SH3RF1: variants seen among roughly 807,000 people sequenced by gnomAD.
SH3RF1 encodes the protein E3 ubiquitin-protein ligase SH3RF1.
In SH3RF1, 32 loss-of-function variants were observed where a neutral mutation model predicts 74.0. The observed-to-expected ratio is 0.43, with a 90% CI of 0.33 to 0.58. SH3RF1 has a LOEUF of 0.58. Ranked by LOEUF, SH3RF1 falls within the 20% of genes least tolerant of loss-of-function variation. The pLI is 0.05. For missense variants in SH3RF1, 954 were observed against 1,130.9 expected (o/e 0.84, Z 2.24); for synonymous variants, 396 against 439.6 (o/e 0.90, Z 1.24).
At chr4:169,130,303 TC>T in intron 5 of SH3RF1, 147 bp from the exon 6 acceptor site, 1 of 604,412 alleles carries the variant, frequency 1.7e-6, no homozygotes. Flanking sequence ...TTTAGTCTGC[TC>T]AACCCAAATT....
chr4:169,130,043 C>T lies in SH3RF1; in HGVS notation c.1179+3G>A. 6.2e-7 allele frequency: 1 copy of T among 1,610,616 alleles called. No individual in the cohort carries two copies. The highest frequency in any genetic ancestry group is 2.2e-5 in the East Asian group (1 of 44,822). ...AAATAAAAATGGGAGAAACTATACT[C>T]ACTCCAAGGGCAGCTTGGTAGGGAA... On this transcript the variant is annotated splice_donor_region_variant and intron_variant, in intron 6 of 11. Coordinates refer to ENST00000284637, the MANE Select transcript of SH3RF1 (RefSeq NM_020870.4).
At chr4:169,250,724 A>G (rs1362351895) in intron 2 of SH3RF1, among the ~76,000 whole-genome samples, 2 of 152,330 alleles carry the variant, frequency 1.3e-5, no homozygotes, top group Admixed American at 6.5e-5. Flanking sequence ...AAATAAATGT[A>G]TAATGTGATT....
intron 2 of SH3RF1, chr4:169,217,522 G>A (rs1730487167): frequency 6.6e-6 from 1 of 152,202 alleles, no homozygotes; most frequent in Non-Finnish European, 1.5e-5. Flanking sequence ...TGGAACTCGG[G>A]TAACTGAAAG....
At chr4:169,259,459 A>G (rs1368751511) in intron 2 of SH3RF1, among the ~76,000 whole-genome samples, 1 of 152,106 alleles carries the variant, frequency 6.6e-6, no homozygotes, top group African/African-American at 2.4e-5. Context: ...ACAGCCACCC[A>G]TATGTCACCA....
intron 11 of SH3RF1, among the ~76,000 whole-genome samples, chr4:169,097,094 A>AGG (rs1047520181): frequency 6.6e-6 from 1 of 152,136 alleles, no homozygotes; most frequent in Non-Finnish European, 1.5e-5. Flanking sequence ...GTAGCTGAGC[A>AGG]GGGGGGGTTC....
At chr4:169,154,606 G>A (rs1734024028) in intron 4 of SH3RF1, among the ~76,000 whole-genome samples, 1 of 152,092 alleles carries the variant, frequency 6.6e-6, no homozygotes, top group Admixed American at 6.5e-5. Flanking sequence ...TGGATGTCCT[G>A]CCATAAAATA....
chr4:169,155,892 T>C (rs1734042939), intron 3 of SH3RF1, among the ~76,000 whole-genome samples: 1 of 152,188 alleles, frequency 6.6e-6, no homozygotes. Flanking sequence ...AGATTGATTC[T>C]CAGATGCTCC....
At chr4:169,207,997 A>G (rs1416233602) in intron 2 of SH3RF1, among the ~76,000 whole-genome samples, 3 of 152,182 alleles carry the variant, frequency 2.0e-5, no homozygotes, top group Non-Finnish European at 4.4e-5. Context: ...GATGGGAACC[A>G]AAACAAAATT....
chr4:169,269,407 T>C, intron 1 of SH3RF1, 100 bp from the exon 2 acceptor site: 1 of 580,964 alleles, frequency 1.7e-6, no homozygotes, highest in South Asian at 2.5e-5. Flanking sequence ...AAAAGTACAC[T>C]ATTCCCTGTC....
chr4:169,256,152 A>T (rs1377549067), intron 2 of SH3RF1, among the ~76,000 whole-genome samples: 1 of 152,182 alleles, frequency 6.6e-6, no homozygotes, highest in Non-Finnish European at 1.5e-5. Flanking sequence ...AGTCTTTAGT[A>T]ATATGCTAAA....
chr4:169,255,622 TAC>T (rs56229906), intron 2 of SH3RF1, among the ~76,000 whole-genome samples: 2,052 of 124,710 alleles, frequency 0.016, 24 homozygotes, highest in African/African-American at 0.032. Context: ...CATACACACA[TAC>T]ACACACACAC....
intron 5 of SH3RF1, 141 bp from the exon 6 acceptor site, chr4:169,130,297 G>A (rs1230095457): frequency 6.2e-6 from 4 of 643,734 alleles, no homozygotes; most frequent in Non-Finnish European, 1.0e-5. Flanking sequence ...ATCCCTTTTA[G>A]TCTGCTCAAC....
chr4:169,261,500 G>A (rs2110758699), intron 2 of SH3RF1, among the ~76,000 whole-genome samples: 1 of 151,754 alleles, frequency 6.6e-6, no homozygotes, highest in East Asian at 1.9e-4. Flanking sequence ...GTTATTTAAA[G>A]TCTTTCAGCC....
At chr4:169,157,908 T>C (rs1351101156) in intron 2 of SH3RF1, among the ~76,000 whole-genome samples, 3 of 125,122 alleles carry the variant, frequency 2.4e-5, no homozygotes, top group African/African-American at 3.5e-5. Flanking sequence ...GTCTGGCTCA[T>C]TTTTGTATTT....
At chr4:169,218,308 G>GAATATATAATATAAATATAT (rs1561055944) in intron 2 of SH3RF1, among the ~76,000 whole-genome samples, 6 of 139,906 alleles carry the variant, frequency 4.3e-5, no homozygotes, top group South Asian at 2.1e-4. Flanking sequence ...TATAAATATA[G>GAATATATAATATAAATATAT]AATATAGAAT....
At chr4:169,179,816 G>A (rs1734478310) in intron 2 of SH3RF1, among the ~76,000 whole-genome samples, 1 of 152,192 alleles carries the variant, frequency 6.6e-6, no homozygotes, top group Non-Finnish European at 1.5e-5. Flanking sequence ...ACTTGAAACA[G>A]CTGGTTGGAC....
intron 2 of SH3RF1, among the ~76,000 whole-genome samples, chr4:169,237,545 C>A (rs77645029): frequency 0.016 from 2,486 of 152,210 alleles, 70 homozygotes; most frequent in African/African-American, 0.057. Context: ...CATAAGGTAG[C>A]TGCCTACATT....
chr4:169,201,636 T>A (rs865800557), intron 2 of SH3RF1, among the ~76,000 whole-genome samples: 4 of 152,220 alleles, frequency 2.6e-5, no homozygotes, highest in African/African-American at 9.6e-5. Flanking sequence ...TTTAGGCAGC[T>A]TATTTCCCAG....
chr4:169,251,591 C>T (rs1731106237), intron 2 of SH3RF1, among the ~76,000 whole-genome samples: 1 of 152,200 alleles, frequency 6.6e-6, no homozygotes, highest in African/African-American at 2.4e-5. Context: ...CCTTCAAAAG[C>T]TTTTAATGGA....
Sources: allele counts gnomAD v4.1 joint callset (sites outside exome capture counted in the v4.1 genomes callset), GRCh38; gene constraint gnomAD v4.1.1; transcripts MANE v1.5; gene names NCBI Gene and HGNC (gene_info 2026-07-23, HGNC 2026-07-21).